The following PRDM2 variants were observed in gnomAD, a reference collection of about 807,000 sequenced individuals.
PRDM2 encodes the protein PR domain zinc finger protein 2.
In PRDM2, 30 loss-of-function variants were observed where a neutral mutation model predicts 130.0. That is an observed-to-expected ratio of 0.23 (90% confidence interval 0.17 to 0.31). The LOEUF (loss-of-function observed/expected upper bound fraction) is 0.31, where lower values mean the gene tolerates loss of function less well. PRDM2 is among the 10% of genes least tolerant of loss of function. The probability of loss-of-function intolerance (pLI) is 1.00; values close to 1 mark genes in which losing one functional copy is unlikely to be tolerated. For missense variants in PRDM2, 2,011 were observed against 2,108.4 expected, an observed-to-expected ratio of 0.95 and a Z score of 0.90; for synonymous variants, 871 against 782.4, an observed-to-expected ratio of 1.11 and a Z score of -1.89.
chr1:13,793,172 A>G (rs1327001197), intron 8 of PRDM2, among the ~76,000 whole-genome samples: 2 of 152,206 alleles, frequency 1.3e-5, no homozygotes, highest in African/African-American at 4.8e-5. Flanking sequence ...TTAGTTACTG[A>G]GTGGCAGGGC....
chr1:13,744,160 T>A (rs1191099178), intron 5 of PRDM2, among the ~76,000 whole-genome samples: 3 of 152,204 alleles, frequency 2.0e-5, no homozygotes, highest in African/African-American at 7.2e-5. Context: ...AATGTGTTCA[T>A]CTCTGATGCA....
chr1:13,760,800 C>T (rs1272712775), intron 6 of PRDM2, among the ~76,000 whole-genome samples: 3 of 151,694 alleles, frequency 2.0e-5, no homozygotes, highest in African/African-American at 7.3e-5. Context: ...ATGGTGGGCA[C>T]CAGCAAAATA....
chr1:13,735,230 A>C (rs1173776553), intron 4 of PRDM2, among the ~76,000 whole-genome samples: 1 of 152,240 alleles, frequency 6.6e-6, no homozygotes, highest in Non-Finnish European at 1.5e-5. Context: ...ACATTCTGTT[A>C]AATCAGAAAT....
At chr1:13,724,143 C>T (rs943747076) in intron 2 of PRDM2, among the ~76,000 whole-genome samples, 6 of 152,180 alleles carry the variant, frequency 3.9e-5, no homozygotes, top group Non-Finnish European at 5.9e-5. Context: ...CTTTTGGTAA[C>T]CTCACCTTGC....
chr1:13,732,810 C>G lies in PRDM2; in HGVS notation c.159C>G (p.Gly53=). 1 of 1,607,004 alleles carries G rather than the reference C, an allele frequency of 6.2e-7. No individual in the cohort carries two copies. Among genetic ancestry groups the G allele is most frequent in the Non-Finnish European group, 8.5e-7 (1 of 1,176,930 alleles). Residue 53 remains glycine (G), a synonymous_variant, in exon 4 of 10, where the codon GGC becomes GGG. Coordinates refer to ENST00000311066, the MANE Select transcript of PRDM2 (RefSeq NM_001393986.1). ...GGGCCACTAAACCAATTTTAAAAGG[C>G]AAAAAATTTGGGCCATTTGTTGGTG... is the stretch of plus-strand genomic sequence containing the variant. ...GVWATKPILK[G]KKFGPFVGDK... is the part of the protein sequence containing the mutation.
At chr1:13,790,082 C>A (rs972133481) in intron 8 of PRDM2, among the ~76,000 whole-genome samples, 1 of 152,208 alleles carries the variant, frequency 6.6e-6, no homozygotes, top group Non-Finnish European at 1.5e-5. Context: ...CACACTTCAC[C>A]TGGGGAGCTT....
intron 8 of PRDM2, 160 bp downstream of exon 8, chr1:13,782,991 G>C: frequency 1.4e-6 from 2 of 1,462,922 alleles, no homozygotes; most frequent in East Asian, 2.4e-5. Context: ...TGCTTTGGCT[G>C]CTTTTAGAGA....
intron 1 of PRDM2, among the ~76,000 whole-genome samples, chr1:13,709,740 G>T (rs147447096): frequency 6.6e-6 from 1 of 152,132 alleles, no homozygotes; most frequent in Non-Finnish European, 1.5e-5. Flanking sequence ...TGATAAAAAC[G>T]TATTCTCTTA....
chr1:13,791,715 CTACAT>C (rs1440447008), intron 8 of PRDM2, among the ~76,000 whole-genome samples: 2 of 152,194 alleles, frequency 1.3e-5, no homozygotes, highest in Non-Finnish European at 2.9e-5. Context: ...CATCATCACT[CTACAT>C]TAAATTACTT....
intron 8 of PRDM2, among the ~76,000 whole-genome samples, chr1:13,814,295 A>G (rs1645222314): frequency 6.6e-6 from 1 of 152,190 alleles, no homozygotes; most frequent in South Asian, 2.1e-4. Flanking sequence ...ACTCTTGCAC[A>G]GGCGAGTAGA....
At chr1:13,701,005 C>T (rs1284384946) in intron 1 of PRDM2, among the ~76,000 whole-genome samples, 1 of 152,124 alleles carries the variant, frequency 6.6e-6, no homozygotes, top group Admixed American at 6.5e-5. Context: ...AGTGTCATTC[C>T]CCAAACCTTC....
intron 9 of PRDM2, among the ~76,000 whole-genome samples, chr1:13,818,184 G>A (rs912960979): frequency 3.9e-5 from 6 of 152,198 alleles, no homozygotes; most frequent in Non-Finnish European, 8.8e-5. Flanking sequence ...TGGGACACGC[G>A]TAGGTTTGGG....
Position 13,779,451 on chromosome 1 carries a change from T to C in PRDM2, c.1656T>C (p.Asp552=), listed in dbSNP as rs61747661. ...CGGAGGAGGAAGGGGAAGCAGATGA[T>C]GTGTACATCATGGACATTTCTAGCA... ...TEPEEEGEAD[D]VYIMDISSNI... is the part of the protein sequence containing the mutation. Residue 552 remains aspartate (D), a synonymous_variant, in exon 8 of 10, where the codon GAT becomes GAC. Transcript: ENST00000311066. The surrounding 1 kb of genome is among the most constrained non-coding windows in gnomAD (Gnocchi z 4.9). 0.023 allele frequency: 36,631 copies of C among 1,614,124 alleles called. 984 individuals carry two copies. Among genetic ancestry groups the C allele is most frequent in the South Asian group, 0.12 (11,055 of 91,074 alleles).
chr1:13,810,255 C>A (rs11806090), intron 8 of PRDM2, among the ~76,000 whole-genome samples: 1,860 of 152,280 alleles, frequency 0.012, 38 homozygotes, highest in African/African-American at 0.042. Context: ...CATACATGGC[C>A]TGGCACATAG....
chr1:13,760,880 C>T (rs1251174433), intron 6 of PRDM2, among the ~76,000 whole-genome samples: 3 of 152,086 alleles, frequency 2.0e-5, no homozygotes, highest in Non-Finnish European at 4.4e-5. Context: ...TGAGCAGTTT[C>T]ACCATCTTGT....
chr1:13,751,751 A>G (rs1643848230), intron 6 of PRDM2, among the ~76,000 whole-genome samples: 1 of 152,160 alleles, frequency 6.6e-6, no homozygotes, highest in Non-Finnish European at 1.5e-5. Flanking sequence ...ACAGAGAGAA[A>G]AACAAAGGGC....
In PRDM2 at chr1:13,780,399, T is replaced by C. The variant is rs528197002; in HGVS notation, c.2604T>C (p.Ser868=). Residue 868 remains serine, a synonymous_variant, in exon 8 of 10, where the codon AGT becomes AGC. Coordinates refer to ENST00000311066, the MANE Select transcript of PRDM2 (RefSeq NM_001393986.1). ...SDSEGKEFKE[S]HSVQPTCSAV... is the part of the protein sequence containing the mutation. ...CTGAAGGCAAGGAATTCAAAGAAAG[T>C]CATTCAGTGCAGCCTACGTGTAGTG... 1.2e-6 allele frequency: 2 copies of C among 1,614,160 alleles called. No homozygotes were observed. The highest frequency in any genetic ancestry group is 1.7e-6 in the Non-Finnish European group (2 of 1,180,028).
intron 9 of PRDM2, among the ~76,000 whole-genome samples, chr1:13,819,165 G>T (rs763598051): frequency 6.6e-6 from 1 of 152,220 alleles, no homozygotes; most frequent in Non-Finnish European, 1.5e-5. Context: ...CTCTGCAGCC[G>T]GAGGGAGAGC....
chr1:13,811,867 G>C (rs1276889391), intron 8 of PRDM2, among the ~76,000 whole-genome samples: 1 of 152,268 alleles, frequency 6.6e-6, no homozygotes, highest in South Asian at 2.1e-4. Flanking sequence ...CTTAAGCTGA[G>C]ACCCACAAGG....
Sources: allele counts gnomAD v4.1 joint callset (sites outside exome capture counted in the v4.1 genomes callset), GRCh38; gene constraint gnomAD v4.1.1; non-coding constraint Gnocchi (gnomAD v3.1); transcripts MANE v1.5; gene names NCBI Gene and HGNC (gene_info 2026-07-23, HGNC 2026-07-21).